ADRA1B: variants seen among roughly 807,000 people sequenced by gnomAD.
ADRA1B encodes the protein alpha-1B adrenergic receptor.
A neutral mutation model predicts 17.9 loss-of-function variants in ADRA1B; 17 were observed. That is an observed-to-expected ratio of 0.95 (90% CI 0.65 to 1.42). The LOEUF (loss-of-function observed/expected upper bound fraction) is 1.42, where lower values mean the gene tolerates loss of function less well. Among genes scored for constraint, ADRA1B ranks in the 40% most tolerant of loss-of-function variants. ADRA1B has a pLI of 0.00. For synonymous variants in ADRA1B, 366 were observed against 327.6 expected (o/e 1.12, Z -1.27); for missense variants, 681 against 722.1 (o/e 0.94, Z 0.65).
chr5:159,873,140 G>A lies in ADRA1B; in HGVS notation c.-256+7934G>A, dbSNP rs529889284. 3.3e-5 allele frequency among the ~76,000 whole-genome samples: 5 copies of A among 152,282 alleles called. No individual in the cohort carries two copies. In the East Asian group the frequency reaches 9.6e-4, roughly 29 times the overall value. On this transcript the variant is annotated intron_variant, in intron 1 of 2. Coordinates refer to the ADRA1B transcript ENST00000641205. ...TTATGGCTGCATAGTATTCCATAGTGTATATGTGCCACATTTTCTTTATCC... is the reference window on the plus strand; with the variant it reads ...TTATGGCTGCATAGTATTCCATAGTATATATGTGCCACATTTTCTTTATCC...
At chr5:159,960,557 G>A (rs1338221380) in intron 1 of ADRA1B, among the ~76,000 whole-genome samples, 1 of 152,080 alleles carries the variant, frequency 6.6e-6, no homozygotes, top group African/African-American at 2.4e-5. Flanking sequence ...AGTAGATTTT[G>A]AACTGAACAT....
intron 1 of ADRA1B, among the ~76,000 whole-genome samples, chr5:159,906,062 C>A (rs899838338): frequency 6.6e-6 from 1 of 152,142 alleles, no homozygotes; most frequent in Non-Finnish European, 1.5e-5. Context: ...GCCACATTGG[C>A]TAGGCTGGTC....
At chr5:159,878,540 C>T (rs1164635206) in intron 1 of ADRA1B, among the ~76,000 whole-genome samples, 2 of 152,240 alleles carry the variant, frequency 1.3e-5, no homozygotes, top group Non-Finnish European at 2.9e-5. Flanking sequence ...AACAATACCT[C>T]ATTTCCCCCA....
the ADRA1B span, among the ~76,000 whole-genome samples, chr5:159,981,433 G>A: frequency 8.6e-5 from 13 of 152,042 alleles, no homozygotes; most frequent in Admixed American, 3.3e-4. Flanking sequence ...TTTCATGAAG[G>A]TTACCCATAT....
intron 1 of ADRA1B, among the ~76,000 whole-genome samples, chr5:159,941,961 C>T: frequency 7.4e-6 from 1 of 135,218 alleles, no homozygotes; most frequent in Admixed American, 8.6e-5. Flanking sequence ...CTCGCTCTGT[C>T]ACCCAGGCTA....
At chr5:159,940,047 C>T (rs6888267) in intron 1 of ADRA1B, among the ~76,000 whole-genome samples, 6,956 of 152,226 alleles carry the variant, frequency 0.046, 302 homozygotes, top group East Asian at 0.22. Context: ...AGGGACAACT[C>T]AGTAAGTGAA....
At chr5:159,951,508 G>T in intron 1 of ADRA1B, 1 of 670,584 alleles carries the variant, frequency 1.5e-6, no homozygotes, top group South Asian at 1.6e-5. Context: ...CGGTGTCTTG[G>T]GGATGCAGCT....
At chr5:159,951,074 C>A (rs1755425483) in intron 1 of ADRA1B, 1 of 726,956 alleles carries the variant, frequency 1.4e-6, no homozygotes, top group Non-Finnish European at 2.5e-6. Flanking sequence ...GATATTGAGT[C>A]TGTTGTCATA....
rs565001485 is a variant in ADRA1B, at chr5:159,947,192, A to C, written c.950-24687A>C. 1.1e-4 allele frequency among the ~76,000 whole-genome samples: 17 copies of C among 152,258 alleles called. No homozygotes were observed. In the South Asian group the frequency reaches 3.5e-3, roughly 32 times the overall value. ...CCTATCTCTACTAAATAATAGAAAA[A>C]TTAGCGAGGTGTGGTGTGGATGCCT... On this transcript the variant is annotated intron_variant, in intron 1 of 1. Coordinates refer to ENST00000306675, the MANE Select transcript of ADRA1B (RefSeq NM_000679.4).
At chr5:159,952,365 G>A (rs1487297781) in intron 1 of ADRA1B, among the ~76,000 whole-genome samples, 1 of 152,138 alleles carries the variant, frequency 6.6e-6, no homozygotes, top group Non-Finnish European at 1.5e-5. Context: ...CTATCTGAAC[G>A]TGGTCTCACT....
At chr5:159,896,007 C>T (rs1283400354) in intron 1 of ADRA1B, among the ~76,000 whole-genome samples, 1 of 152,206 alleles carries the variant, frequency 6.6e-6, no homozygotes, top group Non-Finnish European at 1.5e-5. Context: ...TGCCTGACAA[C>T]TATAGTAGGT....
intron 1 of ADRA1B, chr5:159,950,455 C>T (rs1022162694): frequency 8.3e-6 from 9 of 1,090,418 alleles, no homozygotes; most frequent in African/African-American, 1.5e-5. Flanking sequence ...CTTCTCGCTT[C>T]CTCTCATGCT....
chr5:159,917,009 C>T lies in ADRA1B; in HGVS notation c.104C>T (p.Ser35Phe). Reference sequence around the variant, plus strand: ...GGCCCCAACCAGACCTCGAGCAACTCCACACTGCCCCAGCTGGACATCACC... The same window carrying T: ...GGCCCCAACCAGACCTCGAGCAACTTCACACTGCCCCAGCTGGACATCACC... Reference protein sequence around the residue: ...FTGPNQTSSNSTLPQLDITRA... With the variant: ...FTGPNQTSSNFTLPQLDITRA... Residue 35 changes from serine to phenylalanine, a missense_variant, in exon 1 of 2, where the codon TCC becomes TTC. By Grantham distance (155) the Ser-to-Phe change is radical. Coordinates refer to ENST00000306675, the MANE Select transcript of ADRA1B (RefSeq NM_000679.4). The T allele has an allele frequency of 6.2e-7, 1 of 1,614,178 alleles. No individual in the cohort carries two copies. The highest frequency in any genetic ancestry group is 8.5e-7 in the Non-Finnish European group (1 of 1,180,024).
intron 1 of ADRA1B, among the ~76,000 whole-genome samples, chr5:159,905,271 G>C (rs1430478770): frequency 6.6e-6 from 1 of 152,172 alleles, no homozygotes; most frequent in Admixed American, 6.5e-5. Flanking sequence ...GAAAAATTGT[G>C]ATAGACACAT....
intron 1 of ADRA1B, among the ~76,000 whole-genome samples, chr5:159,893,926 A>G (rs766736693): frequency 5.3e-5 from 8 of 152,208 alleles, no homozygotes; most frequent in Non-Finnish European, 8.8e-5. Context: ...TGGATTGGAA[A>G]GGCCTCTCTG....
intron 1 of ADRA1B, among the ~76,000 whole-genome samples, chr5:159,903,901 A>T (rs1239021389): frequency 6.6e-6 from 1 of 152,088 alleles, no homozygotes; most frequent in Non-Finnish European, 1.5e-5. Flanking sequence ...TTACAAAGGG[A>T]GGCTAAAAGT....
At chr5:159,921,241 T>C (rs559752360) in intron 1 of ADRA1B, among the ~76,000 whole-genome samples, 6 of 152,174 alleles carry the variant, frequency 3.9e-5, no homozygotes, top group African/African-American at 1.4e-4. Context: ...TCAGACCAAG[T>C]TGGACCAGGG....
intron 1 of ADRA1B, 64 bp from the exon 2 acceptor site, chr5:159,971,815 C>A: frequency 3.1e-6 from 4 of 1,305,318 alleles, no homozygotes; most frequent in South Asian, 6.3e-5. Context: ...CATATTGGGG[C>A]GAGAGCTTGA....
intron 1 of ADRA1B, among the ~76,000 whole-genome samples, chr5:159,936,532 T>C (rs1482671759): frequency 1.3e-5 from 2 of 152,186 alleles, no homozygotes; most frequent in Non-Finnish European, 2.9e-5. Flanking sequence ...AGCCTATTAA[T>C]AATGTAAACT....
Sources: gnomAD v4.1 joint callset for allele counts (sites outside exome capture counted in the v4.1 genomes callset) on GRCh38, gnomAD v4.1.1 for gene constraint, MANE v1.5 for transcripts, NCBI Gene and HGNC (gene_info 2026-07-23, HGNC 2026-07-21) for gene names.